Variants in CA7 observed in about 807,000 individuals in gnomAD.
CA7 encodes carbonic anhydrase 7, also known as carbonate dehydratase VII.
A neutral mutation model predicts 31.4 loss-of-function variants in CA7; 13 were observed. That is an observed-to-expected ratio of 0.41 (90% CI 0.27 to 0.66). CA7 has a LOEUF of 0.66. CA7 is among the 30% of genes least tolerant of loss of function. The pLI is 0.28. For missense variants in CA7, 215 were observed against 351.0 expected, an observed-to-expected ratio of 0.61 and a Z score of 3.10; for synonymous variants, 128 against 133.2, an observed-to-expected ratio of 0.96 and a Z score of 0.27.
intron 5 of CA7, 130 bp downstream of exon 5, chr16:66,851,856 C>A: frequency 1.3e-6 from 1 of 797,360 alleles, no homozygotes; most frequent in Non-Finnish European, 2.1e-6. Context: ...GGGTCAGCAT[C>A]AGCAGGGCCC....
Position 66,850,601 on chromosome 16 carries a change from G to A in CA7, c.299G>A (p.Gly100Asp). The change falls in exon 3 of 7, where the codon GGC becomes GAC. Residue 100 changes from glycine to aspartate, a missense_variant. Gly to Asp is a moderately conservative substitution (Grantham distance 94). Coordinates refer to ENST00000338437, the MANE Select transcript of CA7 (RefSeq NM_005182.3). ...YRLKQFHFHWGKKHDVGSEHT... is the reference protein window; with the variant it reads ...YRLKQFHFHWDKKHDVGSEHT... ...CTCAAGCAGTTTCACTTCCACTGGG[G>A]CAAGAAGCACGATGTGGGTTCTGAG... 1 of 1,614,142 alleles carries A rather than the reference G, an allele frequency of 6.2e-7. No individual in the cohort carries two copies. Among genetic ancestry groups the A allele is most frequent in the Non-Finnish European group, 8.5e-7 (1 of 1,179,986 alleles).
At position 66,852,804 on chromosome 16, in the gene CA7, C is replaced by T. The variant is rs148412220; in HGVS notation, c.609C>T (p.Pro203=). 1.3e-4 allele frequency: 209 copies of T among 1,614,078 alleles called. No homozygotes were observed. In the African/African-American group the frequency reaches 2.4e-3, roughly 19 times the overall value. The change falls in exon 6 of 7, where the codon CCC becomes CCT. Residue 203 remains proline, a synonymous_variant. Transcript: ENST00000338437. The part of the protein sequence containing the change: ...YWTYPGSLTT[P]PLSESVTWIV... ...CCTACCCGGGCTCTCTGACGACTCC[C>T]CCACTCAGTGAGAGTGTCACCTGGA... is the stretch of plus-strand genomic sequence containing the variant.
chr16:66,852,381 T>C lies in CA7; in HGVS notation c.517-331T>C, dbSNP rs537841413. 9.2e-5 allele frequency among the ~76,000 whole-genome samples: 14 copies of C among 151,762 alleles called. No homozygotes were observed. In the South Asian group the frequency reaches 2.9e-3, roughly 32 times the overall value. ...GGGAGGCTGAGAGAGGAGAATTGCT[T>C]GAACCCAAGAGGCAGAGGTTGCAGT... On this transcript the variant is annotated intron_variant, in intron 5 of 6. Transcript: ENST00000338437.
chr16:66,847,010 G>C lies in CA7; in HGVS notation c.41-20G>C, dbSNP rs1163628179. On this transcript the variant is annotated intron_variant, in intron 1 of 6. Transcript: ENST00000338437. ...GAGATCCTGGCTGGCCTGAGTCCTT[G>C]CCCTCCTCCCCACCTGCAGGCCCCT... 1.9e-6 allele frequency: 3 copies of C among 1,612,904 alleles called. No homozygotes were observed. Among genetic ancestry groups the C allele is most frequent in the Non-Finnish European group, 8.5e-7 (1 of 1,179,246 alleles).
At position 66,852,832 on chromosome 16, in the gene CA7, G is replaced by A; in HGVS notation, c.637G>A (p.Val213Met). ...ACTCAGTGAGAGTGTCACCTGGATT[G>A]TGCTCCGGGAGCCCATCTGCATCTC... ...PPLSESVTWI[V>M]LREPICISER... Residue 213 changes from valine (V) to methionine (M), a missense_variant, in exon 6 of 7, where the codon GTG becomes ATG. Val to Met is a conservative substitution (Grantham distance 21). Coordinates refer to ENST00000338437, the MANE Select transcript of CA7 (RefSeq NM_005182.3). The A allele has an allele frequency of 6.2e-7, 1 of 1,613,768 alleles. No homozygotes were observed. The highest frequency in any genetic ancestry group is 8.5e-7 in the Non-Finnish European group (1 of 1,179,840).
chr16:66,851,105 C>G (rs1177803612), intron 3 of CA7, among the ~76,000 whole-genome samples: 1 of 152,202 alleles, frequency 6.6e-6, no homozygotes, highest in African/African-American at 2.4e-5. Context: ...CCAAGGCTTC[C>G]CTCTGATAAC....
chr16:66,850,488 T>C (rs1184448927), intron 2 of CA7, 53 bp from the exon 3 acceptor site: 1 of 1,019,024 alleles, frequency 9.8e-7, no homozygotes, highest in Non-Finnish European at 1.6e-6. Flanking sequence ...GTCCTGGCAC[T>C]GGGCTGTCGG....
At chr16:66,844,632 A>T (rs904759720) in intron 1 of CA7, 105 bp downstream of exon 1, 14 of 988,488 alleles carry the variant, frequency 1.4e-5, no homozygotes, top group Non-Finnish European at 2.1e-5. Flanking sequence ...AAGCTCCCAC[A>T]CTCCAGGCTG....
intron 1 of CA7, 96 bp downstream of exon 1, chr16:66,844,623 A>G: frequency 6.3e-6 from 7 of 1,103,874 alleles, no homozygotes; most frequent in Non-Finnish European, 7.8e-6. Flanking sequence ...CAGACCGGAA[A>G]GCTCCCACAC....
At chr16:66,844,861 G>T in intron 1 of CA7, 1 of 1,038,504 alleles carries the variant, frequency 9.6e-7, no homozygotes, top group East Asian at 4.9e-5. Context: ...CGCAGCGCGT[G>T]GGGGTGGCCC....
At chr16:66,845,856 G>A (rs942779671) in intron 1 of CA7, among the ~76,000 whole-genome samples, 27 of 152,232 alleles carry the variant, frequency 1.8e-4, no homozygotes, top group Admixed American at 1.8e-3. Context: ...CACCCAGGCA[G>A]AGCTGGATTG....
chr16:66,853,735 C>A lies in CA7; in HGVS notation c.*237C>A. On this transcript the variant is annotated 3_prime_UTR_variant, in exon 7 of 7. Transcript: ENST00000338437. The surrounding 1 kb of genome is among the most constrained non-coding windows in gnomAD (Gnocchi z 4.5). Reference sequence around the variant, plus strand: ...AAGCAGGGTCCAAGCCTGGGGCTGCCTCTGCTCTCCAAGACCCAAAGACCC... The same window carrying A: ...AAGCAGGGTCCAAGCCTGGGGCTGCATCTGCTCTCCAAGACCCAAAGACCC... 1 of 528,520 alleles carries A rather than the reference C, an allele frequency of 1.9e-6. No homozygotes were observed. Among genetic ancestry groups the A allele is most frequent in the Non-Finnish European group, 3.4e-6 (1 of 297,796 alleles). The allele number at this position is 528,520 out of a possible 1,614,324, so 32.7% of individuals were successfully genotyped here.
chr16:66,852,063 G>A (rs776629613), intron 5 of CA7, among the ~76,000 whole-genome samples: 17 of 152,158 alleles, frequency 1.1e-4, no homozygotes, highest in Non-Finnish European at 1.9e-4. Flanking sequence ...ACAAGCAAAC[G>A]GATGAGAGGG....
At chr16:66,844,618 CG>C in intron 1 of CA7, 91 bp downstream of exon 1, 1 of 1,147,086 alleles carries the variant, frequency 8.7e-7, no homozygotes, top group Non-Finnish European at 1.2e-6. Flanking sequence ...TTTCCCAGAC[CG>C]GAAAGCTCCC....
chr16:66,847,202 C>T lies in CA7; in HGVS notation c.213C>T (p.Asp71=), dbSNP rs1397331491. Reference sequence around the variant, plus strand: ...ACAATGGCCACTCTGTCCAGGTAGACTTCAATGACAGCGATGACCGAACCG... The same window carrying T: ...ACAATGGCCACTCTGTCCAGGTAGATTTCAATGACAGCGATGACCGAACCG... ...ITNNGHSVQV[D]FNDSDDRTVV... The change falls in exon 2 of 7, where the codon GAC becomes GAT. Residue 71 remains aspartate (D), a synonymous_variant. Transcript: ENST00000338437. 1 of 1,614,230 alleles carries T rather than the reference C, an allele frequency of 6.2e-7. No homozygotes were observed. The highest frequency in any genetic ancestry group is 2.2e-5 in the East Asian group (1 of 44,888).
chr16:66,844,649 A>G, intron 1 of CA7, 122 bp downstream of exon 1: 1 of 802,410 alleles, frequency 1.2e-6, no homozygotes. Context: ...GCTGGGCGGG[A>G]CCCCTCTTCC....
At chr16:66,851,747 C>A (rs748843517) in intron 5 of CA7, 21 bp downstream of exon 5, 17 of 1,607,540 alleles carry the variant, frequency 1.1e-5, no homozygotes, top group Non-Finnish European at 1.4e-5. Flanking sequence ...TGCCCCTGAC[C>A]CAAGCAGCCC....
chr16:66,851,797 C>A, intron 5 of CA7, 71 bp downstream of exon 5: 1 of 1,327,626 alleles, frequency 7.5e-7, no homozygotes, highest in Non-Finnish European at 1.1e-6. Context: ...AAGTTGGGCC[C>A]TTCCAGTCCT....
In CA7 at chr16:66,853,072, T is replaced by A. The variant is rs1431815808; in HGVS notation, c.672+205T>A. Among the ~76,000 whole-genome samples the A allele has an allele frequency of 6.6e-6, 1 of 152,206 alleles. No individual in the cohort carries two copies. Among genetic ancestry groups the A allele is most frequent in the Non-Finnish European group, 1.5e-5 (1 of 68,034 alleles). The stretch of plus-strand genomic sequence containing the variant: ...CCTAGACACTGGCTGGGAGCGGGGA[T>A]ACCTGGATCCTGGGACCCCCACCCC... On this transcript the variant is annotated intron_variant, in intron 6 of 6. Coordinates refer to ENST00000338437, the MANE Select transcript of CA7 (RefSeq NM_005182.3). This position sits in a 1 kb window ranked among gnomAD's most constrained non-coding sequence, Gnocchi z 4.5.
Sources: gnomAD v4.1 joint callset for allele counts (sites outside exome capture counted in the v4.1 genomes callset) on GRCh38, gnomAD v4.1.1 for gene constraint, Gnocchi (gnomAD v3.1) non-coding constraint, MANE v1.5 for transcripts, NCBI Gene and HGNC (gene_info 2026-07-23, HGNC 2026-07-21) for gene names.